ADGRG4: variants seen among roughly 807,000 people sequenced by gnomAD.
ADGRG4 encodes the protein G protein-coupled receptor 112.
In ADGRG4, 122 loss-of-function variants were observed where a neutral mutation model predicts 126.2. The ratio of observed to expected loss-of-function variants is 0.97; its 90% confidence interval spans 0.83 to 1.12. ADGRG4 has a LOEUF of 1.12. ADGRG4 is among the 50% of genes most tolerant of loss of function. The probability of loss-of-function intolerance (pLI) is 0.00; values close to 1 mark genes in which losing one functional copy is unlikely to be tolerated. For synonymous variants in ADGRG4, 943 were observed against 838.7 expected (o/e 1.12, Z -2.15); for missense variants, 2,481 against 2,251.8 (o/e 1.10, Z -2.06).
intron 15 of ADGRG4, among the ~76,000 whole-genome samples, chrX:136,375,989 G>GT (rs975376443): frequency 8.9e-6 from 1 of 111,885 alleles, no homozygotes; most frequent in African/African-American, 3.2e-5. Context: ...TTTTTCCAAT[G>GT]TTATCTTCTA....
chrX:136,356,254 T>G, intron 9 of ADGRG4, 89 bp downstream of exon 9: 1 of 582,393 alleles, frequency 1.7e-6, no homozygotes, highest in Non-Finnish European at 2.7e-6. Flanking sequence ...AAGTATATAT[T>G]ATCAGGCGAG....
In ADGRG4 at chrX:136,345,532, C is replaced by T. The variant is rs1265204210; in HGVS notation, c.1826C>T (p.Thr609Ile). Residue 609 changes from threonine to isoleucine, a missense_variant, in exon 6 of 26, where the codon ACC (threonine) becomes ATC (isoleucine). By Grantham distance (89) the Thr-to-Ile change is moderately conservative. Coordinates refer to ENST00000394143, the MANE Select transcript of ADGRG4 (RefSeq NM_153834.4). ...TCCACAATCACAGGACGAGTTTACACCCAGAATACACCTACAGCTGATGGA... is the reference window on the plus strand; with the variant it reads ...TCCACAATCACAGGACGAGTTTACATCCAGAATACACCTACAGCTGATGGA... Reference protein sequence around the residue: ...LSSTITGRVYTQNTPTADGHL... With the variant: ...LSSTITGRVYIQNTPTADGHL... The T allele has an allele frequency of 2.5e-6, 3 of 1,209,798 alleles. No individual in the cohort carries two copies. Among genetic ancestry groups the T allele is most frequent in the South Asian group, 1.8e-5 (1 of 56,905 alleles).
Position 136,347,874 on chromosome X carries a change from A to G in ADGRG4, c.4168A>G (p.Thr1390Ala), listed in dbSNP as rs1432869845. 8.3e-7 allele frequency: 1 copy of G among 1,209,142 alleles called. No individual in the cohort carries two copies. ...KESTSALPAY[T>A]PRTVEMIVNS... is the part of the protein sequence containing the mutation. ...AAGCACGAGTGCCCTTCCAGCATAT[A>G]CTCCCAGGACTGTGGAAATGATAGT... Residue 1390 changes from threonine to alanine, a missense_variant, in exon 6 of 26, where the codon ACT becomes GCT. Transcript: ENST00000394143.
intron 15 of ADGRG4, among the ~76,000 whole-genome samples, chrX:136,384,925 G>T (rs2075285482): frequency 9.1e-6 from 1 of 110,384 alleles, no homozygotes; most frequent in African/African-American, 3.3e-5. Flanking sequence ...CCTGCTAAGG[G>T]TTTGCTGAGC....
chrX:136,371,172 T>A (rs1458116238), intron 13 of ADGRG4, among the ~76,000 whole-genome samples, 156 bp from the exon 14 acceptor site: 1 of 112,129 alleles, frequency 8.9e-6, no homozygotes, highest in African/African-American at 3.2e-5. Context: ...ACTACACCTA[T>A]TGTAGAAACA....
chrX:136,333,294 A>AT (rs886332334), intron 5 of ADGRG4, among the ~76,000 whole-genome samples: 14 of 109,452 alleles, frequency 1.3e-4, no homozygotes, highest in East Asian at 5.8e-4. Flanking sequence ...GACTTCATGT[A>AT]TTTTTTTTTA....
intron 7 of ADGRG4, among the ~76,000 whole-genome samples, chrX:136,353,036 C>T (rs2075072407): frequency 9.0e-6 from 1 of 111,561 alleles, no homozygotes; most frequent in East Asian, 2.8e-4. Context: ...TATAAGGACA[C>T]TGGTCCTGTT....
Position 136,416,584 on chromosome X carries a change from C to G in ADGRG4, c.*93C>G, listed in dbSNP as rs766749653. On this transcript the variant is annotated 3_prime_UTR_variant, in exon 26 of 26. Coordinates refer to ENST00000394143, the MANE Select transcript of ADGRG4 (RefSeq NM_153834.4). ...TGTATACTTGCTCGGGTGATGGGTGCACCAAAATCTCACAAATCACCACTA... is the reference window on the plus strand; with the variant it reads ...TGTATACTTGCTCGGGTGATGGGTGGACCAAAATCTCACAAATCACCACTA... 3.1e-6 allele frequency: 2 copies of G among 639,178 alleles called. No homozygotes were observed. Among genetic ancestry groups the G allele is most frequent in the Non-Finnish European group, 4.8e-6 (2 of 413,893 alleles). The allele number at this position is 639,178 out of a possible 1,213,427, so 52.7% of individuals were successfully genotyped here. A position where few individuals can be genotyped will look rare whatever the true frequency, so the allele number is the denominator to read the frequency against.
intron 1 of ADGRG4, among the ~76,000 whole-genome samples, chrX:136,302,904 T>G (rs902704837): frequency 8.9e-6 from 1 of 111,992 alleles, no homozygotes; most frequent in Admixed American, 9.5e-5. Flanking sequence ...CATTTCCATG[T>G]TGCAGATGAG....
intron 1 of ADGRG4, 140 bp downstream of exon 1, chrX:136,301,140 T>C (rs2074696627): frequency 8.9e-6 from 1 of 112,385 alleles, no homozygotes; most frequent in African/African-American, 3.2e-5. Context: ...TTTCTAGTTC[T>C]AGATCCTTGA....
intron 20 of ADGRG4, among the ~76,000 whole-genome samples, chrX:136,399,040 A>T (rs1569337624): frequency 1.8e-5 from 2 of 112,515 alleles, no homozygotes; most frequent in Non-Finnish European, 3.8e-5. Flanking sequence ...AAGACAACGT[A>T]CTGTGTGGTT....
chrX:136,362,917 C>T (rs2075137037), intron 12 of ADGRG4, among the ~76,000 whole-genome samples: 1 of 111,261 alleles, frequency 9.0e-6, no homozygotes, highest in Non-Finnish European at 1.9e-5. Context: ...GGATGAAGCC[C>T]CACCCTGTTT....
At chrX:136,352,542 A>T (rs2075069209) in intron 7 of ADGRG4, among the ~76,000 whole-genome samples, 1 of 111,515 alleles carries the variant, frequency 9.0e-6, no homozygotes, top group Admixed American at 9.6e-5. Context: ...AATGCTGAAA[A>T]CAATTCCCTA....
Position 136,416,523 on chromosome X carries a change from A to G in ADGRG4, c.*32A>G. ...AAGTTGTGCCTAATTATGTAAAAAG[A>G]ATATAATACCTGTGGAAATAAAAAT... On this transcript the variant is annotated 3_prime_UTR_variant, in exon 26 of 26. Coordinates refer to ENST00000394143, the MANE Select transcript of ADGRG4 (RefSeq NM_153834.4). The G allele has an allele frequency of 9.2e-7, 1 of 1,086,280 alleles. No individual in the cohort carries two copies. The allele number at this position is 1,086,280 out of a possible 1,213,427, so 89.5% of individuals were successfully genotyped here. A position where few individuals can be genotyped will look rare whatever the true frequency, so the allele number is the denominator to read the frequency against.
intron 5 of ADGRG4, among the ~76,000 whole-genome samples, chrX:136,334,128 CTTTCTTTCTT>C (rs1389937685): frequency 3.0e-5 from 1 of 33,761 alleles, no homozygotes; most frequent in Non-Finnish European, 5.5e-5. Flanking sequence ...TTCTTTCTTT[CTTTCTTTCTT>C]TTTCTTTTTC....
At chrX:136,363,344 C>G (rs1009842007) in intron 12 of ADGRG4, 133 bp from the exon 13 acceptor site, 3 of 511,223 alleles carry the variant, frequency 5.9e-6, no homozygotes, top group African/African-American at 4.7e-5. Context: ...GTACTGGGCT[C>G]CCACCTTTGC....
chrX:136,368,153 G>C (rs2075171120), intron 13 of ADGRG4, among the ~76,000 whole-genome samples: 1 of 112,197 alleles, frequency 8.9e-6, no homozygotes, highest in Non-Finnish European at 1.9e-5. Flanking sequence ...GCTGTAAAAA[G>C]TGATACTGAA....
intron 5 of ADGRG4, among the ~76,000 whole-genome samples, chrX:136,324,330 A>G (rs2074859307): frequency 1.8e-5 from 2 of 112,132 alleles, no homozygotes; most frequent in Non-Finnish European, 3.8e-5. Context: ...TTGCAAAATA[A>G]TGATGTTTAA....
At chrX:136,309,606 C>T (rs1029669526) in intron 4 of ADGRG4, among the ~76,000 whole-genome samples, 2 of 111,842 alleles carry the variant, frequency 1.8e-5, no homozygotes, top group East Asian at 2.8e-4. Context: ...GGTCCTCAAG[C>T]GTAAGAGCTA....
Sources: gnomAD v4.1 joint callset for allele counts (sites outside exome capture counted in the v4.1 genomes callset) on GRCh38, gnomAD v4.1.1 for gene constraint, MANE v1.5 for transcripts, NCBI Gene and HGNC (gene_info 2026-07-23, HGNC 2026-07-21) for gene names.